Variants in GALNT17 observed in about 807,000 individuals in gnomAD.
GALNT17 encodes polypeptide N-acetylgalactosaminyltransferase 17.
Under a neutral mutation model 63.7 loss-of-function variants are expected in GALNT17, and 29 were observed. That is an observed-to-expected ratio of 0.46 (90% CI 0.34 to 0.62). The LOEUF (loss-of-function observed/expected upper bound fraction) is 0.62, where lower values mean the gene tolerates loss of function less well. Ranked by LOEUF, GALNT17 falls within the 20% of genes least tolerant of loss-of-function variation. The probability of loss-of-function intolerance (pLI) is 0.01; values close to 1 mark genes in which losing one functional copy is unlikely to be tolerated. For missense variants in GALNT17, 603 were observed against 799.6 expected (o/e 0.75, Z 2.97); for synonymous variants, 305 against 318.3 (o/e 0.96, Z 0.45).
intron 1 of GALNT17, among the ~76,000 whole-genome samples, chr7:71,148,853 GGTATTT>G (rs1788074556): frequency 1.8e-5 from 1 of 56,930 alleles, no homozygotes; most frequent in African/African-American, 8.0e-5. Flanking sequence ...GTAGTATTAT[GGTATTT>G]TTATATATAT....
intron 6 of GALNT17, among the ~76,000 whole-genome samples, chr7:71,630,603 A>G (rs1159094500): frequency 1.3e-5 from 2 of 152,174 alleles, no homozygotes; most frequent in Non-Finnish European, 2.9e-5. Flanking sequence ...GTTTGCATGG[A>G]ATGTAAAAAT....
At chr7:71,583,863 G>A (rs541946453) in intron 6 of GALNT17, among the ~76,000 whole-genome samples, 9 of 152,158 alleles carry the variant, frequency 5.9e-5, no homozygotes, top group Non-Finnish European at 1.2e-4. Flanking sequence ...GGTGGCTCAC[G>A]CCTGTAATCC....
chr7:71,584,440 T>G (rs1379627407), intron 6 of GALNT17, among the ~76,000 whole-genome samples: 1 of 152,224 alleles, frequency 6.6e-6, no homozygotes, highest in African/African-American at 2.4e-5. Flanking sequence ...TGCTGTTTTT[T>G]TCAGTTACTG....
chr7:71,681,429 TGG>T (rs1791260374), intron 9 of GALNT17, among the ~76,000 whole-genome samples: 1 of 152,146 alleles, frequency 6.6e-6, no homozygotes, highest in Non-Finnish European at 1.5e-5. Context: ...GGCCAAGAGT[TGG>T]ATATAGCAAC....
intron 9 of GALNT17, among the ~76,000 whole-genome samples, chr7:71,695,489 T>G (rs1791525884): frequency 6.6e-6 from 1 of 152,182 alleles, no homozygotes; most frequent in Non-Finnish European, 1.5e-5. Flanking sequence ...CATAGCATGC[T>G]TTCTAAGCTC....
chr7:71,314,051 T>A (rs1393669563), intron 1 of GALNT17, among the ~76,000 whole-genome samples: 1 of 152,230 alleles, frequency 6.6e-6, no homozygotes, highest in African/African-American at 2.4e-5. Flanking sequence ...GGTTCACCAT[T>A]AGCCATTCTG....
intron 1 of GALNT17, among the ~76,000 whole-genome samples, chr7:71,212,871 A>G (rs1167263978): frequency 6.6e-6 from 1 of 152,176 alleles, no homozygotes; most frequent in Non-Finnish European, 1.5e-5. Context: ...GTATCTAGGA[A>G]GTAACTAGCT....
intron 5 of GALNT17, among the ~76,000 whole-genome samples, chr7:71,493,568 C>CT (rs1349524559): frequency 3.9e-5 from 6 of 152,156 alleles, no homozygotes; most frequent in Non-Finnish European, 8.8e-5. Flanking sequence ...AGGGAAACCC[C>CT]TTATACAACC....
At chr7:71,252,875 C>T (rs1184314183) in intron 1 of GALNT17, among the ~76,000 whole-genome samples, 1 of 152,152 alleles carries the variant, frequency 6.6e-6, no homozygotes, top group African/African-American at 2.4e-5. Context: ...ATATCTTTTA[C>T]CCTAAAGCAG....
chr7:71,343,234 T>G (rs1354491725), intron 2 of GALNT17, among the ~76,000 whole-genome samples: 1 of 152,236 alleles, frequency 6.6e-6, no homozygotes, highest in Non-Finnish European at 1.5e-5. Context: ...GGCTGAGCAG[T>G]TTCCTTCCTC....
intron 6 of GALNT17, among the ~76,000 whole-genome samples, chr7:71,607,164 C>G (rs965589585): frequency 4.5e-4 from 68 of 151,984 alleles, no homozygotes; most frequent in African/African-American, 1.6e-3. Flanking sequence ...AGAGTGAGAC[C>G]CTACCTAAGA....
At position 71,388,410 on chromosome 7, in the gene GALNT17, G is replaced by C. The variant is rs377108579; in HGVS notation, c.589+9G>C. ...TGACAACAGCGACGAAGGTACAGGG[G>C]TGGCTGACCTGTGCACAGGACATGA... On this transcript the variant is annotated intron_variant, in intron 3 of 10. Transcript: ENST00000333538. The C allele has an allele frequency of 6.2e-7, 1 of 1,613,326 alleles. No homozygotes were observed. Among genetic ancestry groups the C allele is most frequent in the South Asian group, 1.1e-5 (1 of 90,888 alleles).
intron 1 of GALNT17, among the ~76,000 whole-genome samples, chr7:71,150,419 G>A (rs984584857): frequency 3.9e-5 from 6 of 152,112 alleles, no homozygotes; most frequent in Admixed American, 3.3e-4. Context: ...GCAATGAGAG[G>A]TAGACGGAAG....
At position 71,400,644 on chromosome 7, in the gene GALNT17, G is replaced by T. The variant is rs1463622858; in HGVS notation, c.589+12243G>T. On this transcript the variant is annotated intron_variant, in intron 3 of 10. Transcript: ENST00000333538. ...CAGAGGAAATATTTTTATATAAAGT[G>T]TAAGAATTTTTTAACACAGAGACTC... Among the ~76,000 whole-genome samples the T allele has an allele frequency of 3.3e-5, 5 of 152,246 alleles. No homozygotes were observed. The East Asian group carries it at 5.8e-4, about 18-fold the overall frequency.
chr7:71,598,101 G>C (rs1044315986), intron 6 of GALNT17, among the ~76,000 whole-genome samples: 2 of 151,954 alleles, frequency 1.3e-5, no homozygotes, highest in African/African-American at 4.8e-5. Flanking sequence ...ACGCCACCAT[G>C]CCCGGCTAAT....
intron 5 of GALNT17, among the ~76,000 whole-genome samples, chr7:71,536,532 T>C (rs976986227): frequency 7.2e-5 from 11 of 152,126 alleles, no homozygotes; most frequent in African/African-American, 2.4e-4. Flanking sequence ...ACTTCTTACA[T>C]GGCGATGGCA....
chr7:71,340,926 T>C (rs1791995321), intron 2 of GALNT17, among the ~76,000 whole-genome samples: 1 of 152,072 alleles, frequency 6.6e-6, no homozygotes, highest in Non-Finnish European at 1.5e-5. Flanking sequence ...TAATTCCAGC[T>C]ACTTGGGAGG....
chr7:71,349,212 G>A (rs1440283070), intron 2 of GALNT17, among the ~76,000 whole-genome samples: 4 of 152,178 alleles, frequency 2.6e-5, no homozygotes, highest in Non-Finnish European at 5.9e-5. Context: ...GTGGCAGCAG[G>A]AGAGAACCAC....
intron 1 of GALNT17, among the ~76,000 whole-genome samples, chr7:71,317,318 T>G (rs1249065621): frequency 6.6e-6 from 1 of 152,190 alleles, no homozygotes; most frequent in Non-Finnish European, 1.5e-5. Context: ...CACTGAGCTC[T>G]TAGGAAATCA....
Sources: allele counts gnomAD v4.1 joint callset (sites outside exome capture counted in the v4.1 genomes callset), GRCh38; gene constraint gnomAD v4.1.1; transcripts MANE v1.5; gene names NCBI Gene and HGNC (gene_info 2026-07-23, HGNC 2026-07-21).